The following ANKIB1 variants were observed in gnomAD, a reference collection of about 807,000 sequenced individuals.
ANKIB1 encodes ankyrin repeat and IBR domain-containing protein 1.
ANKIB1 carries 43 observed loss-of-function variants against 122.1 expected under a neutral mutation model. The observed-to-expected ratio is 0.35, with a 90% confidence interval of 0.28 to 0.45. The LOEUF (loss-of-function observed/expected upper bound fraction) is 0.45, where lower values mean the gene tolerates loss of function less well. ANKIB1 is among the 20% of genes least tolerant of loss of function. The pLI is 1.00. For missense variants in ANKIB1, 992 were observed against 1,329.5 expected, an observed-to-expected ratio of 0.75 and a Z score of 3.95; for synonymous variants, 390 against 442.0, an observed-to-expected ratio of 0.88 and a Z score of 1.48.
chr7:92,392,099 A>G (rs1186047375), intron 16 of ANKIB1, 142 bp from the exon 17 acceptor site: 6 of 528,796 alleles, frequency 1.1e-5, no homozygotes, highest in African/African-American at 7.8e-5. Flanking sequence ...TATCATTTTA[A>G]TTCTGTTTTA....
chr7:92,268,602 C>T (rs933605501), intron 1 of ANKIB1, among the ~76,000 whole-genome samples: 3 of 152,068 alleles, frequency 2.0e-5, no homozygotes, highest in Admixed American at 2.0e-4. Flanking sequence ...CTCAGGCTCC[C>T]GTAGCTGGGA....
intron 1 of ANKIB1, among the ~76,000 whole-genome samples, chr7:92,255,492 T>A (rs1210979944): frequency 6.6e-6 from 1 of 152,234 alleles, no homozygotes; most frequent in Non-Finnish European, 1.5e-5. Flanking sequence ...GGTCTTCAGA[T>A]GGCATTCCAG....
chr7:92,246,831 C>A (rs1801084766), intron 1 of ANKIB1, among the ~76,000 whole-genome samples: 1 of 152,200 alleles, frequency 6.6e-6, no homozygotes, highest in Non-Finnish European at 1.5e-5. Context: ...CTCCCCCCCA[C>A]CCCCATCCTT....
chr7:92,397,788 A>G lies in ANKIB1; in HGVS notation c.2461A>G (p.Ser821Gly), dbSNP rs1292640252. ...ATCCGTGGTAAGTTCTGCATCTATGAGTGTGCTGCACAGCTCTTCCCTGCG... is the reference window on the plus strand; with the variant it reads ...ATCCGTGGTAAGTTCTGCATCTATGGGTGTGCTGCACAGCTCTTCCCTGCG... Reference protein sequence around the residue: ...GTSVVSSASMSVLHSSSLRDY... With the variant: ...GTSVVSSASMGVLHSSSLRDY... Residue 821 changes from serine to glycine, a missense_variant, in exon 19 of 20, where the codon AGT becomes GGT. Physicochemically the swap from Ser to Gly is moderately conservative, Grantham distance 56 (BLOSUM62 0). Coordinates refer to ENST00000265742, the MANE Select transcript of ANKIB1 (RefSeq NM_019004.2). The G allele has an allele frequency of 6.2e-7, 1 of 1,608,726 alleles. No homozygotes were observed. The highest frequency in any genetic ancestry group is 1.7e-5 in the Admixed American group (1 of 58,532).
At chr7:92,293,962 A>C (rs1303857267) in intron 1 of ANKIB1, among the ~76,000 whole-genome samples, 1 of 152,184 alleles carries the variant, frequency 6.6e-6, no homozygotes, top group Non-Finnish European at 1.5e-5. Context: ...AACTCTTATA[A>C]TCCTCACAGC....
chr7:92,364,572 C>G (rs1011180809), intron 10 of ANKIB1, among the ~76,000 whole-genome samples: 6 of 152,076 alleles, frequency 3.9e-5, no homozygotes, highest in African/African-American at 1.4e-4. Flanking sequence ...GAATGGCTTG[C>G]TATTGGCCAC....
intron 1 of ANKIB1, among the ~76,000 whole-genome samples, chr7:92,282,388 C>T (rs1350409440): frequency 6.6e-6 from 1 of 152,142 alleles, no homozygotes; most frequent in African/African-American, 2.4e-5. Flanking sequence ...AAGCAATCCA[C>T]CTACCTCTGC....
chr7:92,299,090 C>CGT (rs1160303249), intron 2 of ANKIB1, among the ~76,000 whole-genome samples: 1 of 152,124 alleles, frequency 6.6e-6, no homozygotes, highest in Non-Finnish European at 1.5e-5. Context: ...TGAATTGAGT[C>CGT]TGTCACTTCA....
intron 11 of ANKIB1, among the ~76,000 whole-genome samples, chr7:92,381,761 C>T (rs1470179425): frequency 6.6e-6 from 1 of 152,142 alleles, no homozygotes; most frequent in East Asian, 1.9e-4. Context: ...TGGAAAGGAA[C>T]AACTGGTACC....
intron 12 of ANKIB1, 117 bp from the exon 13 acceptor site, chr7:92,387,681 G>T: frequency 1.5e-6 from 1 of 660,830 alleles, no homozygotes; most frequent in South Asian, 2.3e-5. Flanking sequence ...AAAATAATTC[G>T]CAAATCTGAA....
At chr7:92,307,748 G>T in intron 3 of ANKIB1, 92 bp downstream of exon 3, 10 of 909,166 alleles carry the variant, frequency 1.1e-5, no homozygotes, top group Admixed American at 4.8e-5. Context: ...GATTGTCTTA[G>T]TAATTTGGTC....
intron 18 of ANKIB1, among the ~76,000 whole-genome samples, chr7:92,397,100 GA>G (rs1219340398): frequency 6.6e-6 from 1 of 152,088 alleles, no homozygotes; most frequent in Non-Finnish European, 1.5e-5. Flanking sequence ...ATCTAAAAAT[GA>G]AAAACGTTTA....
chr7:92,282,300 C>T (rs752681435), intron 1 of ANKIB1, among the ~76,000 whole-genome samples: 5 of 152,052 alleles, frequency 3.3e-5, no homozygotes, highest in East Asian at 1.9e-4. Flanking sequence ...ATTACAGGCA[C>T]GTGCCACCAT....
Position 92,258,862 on chromosome 7 carries a change from A to G in ANKIB1, c.-91+12343A>G, listed in dbSNP as rs549991641. ...AAGAGATCATAAAAGAGATCTCTCC[A>G]TTTGGAATTTTTTGCCCTTAGATGG... On this transcript the variant is annotated intron_variant, in intron 1 of 19. Coordinates refer to ENST00000265742, the MANE Select transcript of ANKIB1 (RefSeq NM_019004.2). 3.1e-3 allele frequency among the ~76,000 whole-genome samples: 465 copies of G among 152,210 alleles called. 1 individual carries two copies. Among genetic ancestry groups the G allele is most frequent in the Non-Finnish European group, 4.5e-3 (303 of 67,980 alleles).
intron 7 of ANKIB1, among the ~76,000 whole-genome samples, chr7:92,346,888 T>G (rs963814737): frequency 1.3e-5 from 2 of 152,202 alleles, no homozygotes; most frequent in African/African-American, 4.8e-5. Context: ...AGATTTAAAT[T>G]TGAAAGATCT....
chr7:92,269,276 T>C (rs1801735929), intron 1 of ANKIB1, among the ~76,000 whole-genome samples: 1 of 152,208 alleles, frequency 6.6e-6, no homozygotes, highest in South Asian at 2.1e-4. Context: ...AGGGCTATAG[T>C]TGTTCAGCAG....
intron 5 of ANKIB1, among the ~76,000 whole-genome samples, chr7:92,330,616 G>T (rs1001719112): frequency 9.9e-5 from 15 of 152,130 alleles, no homozygotes; most frequent in African/African-American, 3.6e-4. Flanking sequence ...GCCGAGGTGG[G>T]CGGATCATGA....
intron 1 of ANKIB1, among the ~76,000 whole-genome samples, chr7:92,253,936 A>AC (rs1444009541): frequency 6.6e-6 from 1 of 152,184 alleles, no homozygotes; most frequent in African/African-American, 2.4e-5. Context: ...CTTGTGACTT[A>AC]CTTTGACGAA....
intron 9 of ANKIB1, among the ~76,000 whole-genome samples, chr7:92,355,741 C>T (rs1469636800): frequency 4.0e-5 from 6 of 151,508 alleles, no homozygotes; most frequent in African/African-American, 9.7e-5. Flanking sequence ...TCCAGATATT[C>T]GGGAGGCTGA....
Sources: gnomAD v4.1 joint callset for allele counts (sites outside exome capture counted in the v4.1 genomes callset) on GRCh38, gnomAD v4.1.1 for gene constraint, MANE v1.5 for transcripts, NCBI Gene and HGNC (gene_info 2026-07-23, HGNC 2026-07-21) for gene names.